Variants in CLSTN2 observed in about 807,000 individuals in gnomAD.
CLSTN2 encodes calsyntenin 2.
A neutral mutation model predicts 101.2 loss-of-function variants in CLSTN2; 48 were observed. That is an observed-to-expected ratio of 0.47 (90% CI 0.38 to 0.60). The LOEUF is 0.60. CLSTN2 is among the 20% of genes least tolerant of loss of function. The pLI is 0.00. For missense variants in CLSTN2, 1,160 were observed against 1,238.2 expected (o/e 0.94, Z 0.95); for synonymous variants, 481 against 463.6 (o/e 1.04, Z -0.48).
intron 2 of CLSTN2, among the ~76,000 whole-genome samples, chr3:140,221,983 A>T (rs4589893): frequency 0.54 from 81,968 of 151,968 alleles, 23,592 homozygotes; most frequent in East Asian, 0.93. Context: ...TCCCCAAAGA[A>T]AGGAAATCAG....
At chr3:140,150,428 G>A (rs1293513240) in intron 1 of CLSTN2, among the ~76,000 whole-genome samples, 1 of 152,182 alleles carries the variant, frequency 6.6e-6, no homozygotes, top group Non-Finnish European at 1.5e-5. Flanking sequence ...ACCCAGCAAT[G>A]TGCCACCCAG....
chr3:140,096,671 C>G (rs1436471507), intron 1 of CLSTN2, among the ~76,000 whole-genome samples: 2 of 152,202 alleles, frequency 1.3e-5, no homozygotes, highest in Non-Finnish European at 2.9e-5. Flanking sequence ...ATCAAAGCCT[C>G]TTTTGAAAAT....
At chr3:140,264,848 T>C (rs2086682368) in intron 2 of CLSTN2, among the ~76,000 whole-genome samples, 2 of 152,120 alleles carry the variant, frequency 1.3e-5, no homozygotes, top group Admixed American at 1.3e-4. Flanking sequence ...GGGGTAGATC[T>C]AAGAGTACAA....
chr3:140,135,117 C>CACACACAA (rs1488268767), intron 1 of CLSTN2, among the ~76,000 whole-genome samples: 1 of 58,108 alleles, frequency 1.7e-5, no homozygotes, highest in Non-Finnish European at 3.0e-5. Flanking sequence ...CACACACACA[C>CACACACAA]ATATATATAT....
chr3:140,146,919 G>GTA (rs1237491439), intron 1 of CLSTN2, among the ~76,000 whole-genome samples: 1 of 152,158 alleles, frequency 6.6e-6, no homozygotes, highest in Non-Finnish European at 1.5e-5. Context: ...CCCTTATTTA[G>GTA]TATCTATTCA....
At chr3:140,307,935 G>C (rs1034708727) in intron 2 of CLSTN2, among the ~76,000 whole-genome samples, 2 of 152,142 alleles carry the variant, frequency 1.3e-5, no homozygotes, top group Non-Finnish European at 2.9e-5. Flanking sequence ...TCAGAAATCT[G>C]TCAGAGTATC....
At chr3:140,055,654 G>A (rs1019348753) in intron 1 of CLSTN2, among the ~76,000 whole-genome samples, 5 of 152,184 alleles carry the variant, frequency 3.3e-5, no homozygotes, top group Admixed American at 2.6e-4. Context: ...CCGTGAAGTA[G>A]GTGCTCAGTA....
At chr3:140,279,937 C>T (rs925776757) in intron 2 of CLSTN2, among the ~76,000 whole-genome samples, 1 of 152,176 alleles carries the variant, frequency 6.6e-6, no homozygotes, top group African/African-American at 2.4e-5. Flanking sequence ...TAAGCCATCA[C>T]CTGGTGGCTA....
intron 2 of CLSTN2, among the ~76,000 whole-genome samples, chr3:140,362,281 C>A (rs6777920): frequency 6.6e-6 from 1 of 151,814 alleles, no homozygotes; most frequent in Non-Finnish European, 1.5e-5. Flanking sequence ...AATTTAGACC[C>A]TTACCTCACA....
chr3:140,024,477 TC>T (rs2007378841), intron 1 of CLSTN2, among the ~76,000 whole-genome samples: 1 of 152,166 alleles, frequency 6.6e-6, no homozygotes, highest in Non-Finnish European at 1.5e-5. Context: ...GGTTTTCTTT[TC>T]CCTGGAGAGA....
intron 9 of CLSTN2, among the ~76,000 whole-genome samples, chr3:140,545,735 G>A (rs75651892): frequency 0.011 from 1,682 of 152,270 alleles, 28 homozygotes; most frequent in African/African-American, 0.036. Context: ...ACAAGCACTT[G>A]GAACACTTGC....
chr3:140,274,826 C>A (rs1024608872), intron 2 of CLSTN2, among the ~76,000 whole-genome samples: 1 of 152,112 alleles, frequency 6.6e-6, no homozygotes, highest in Non-Finnish European at 1.5e-5. Flanking sequence ...AGAGAGCAAG[C>A]GGGTCAGAAT....
chr3:140,208,918 G>A (rs1016212132), intron 2 of CLSTN2, among the ~76,000 whole-genome samples: 6 of 152,030 alleles, frequency 3.9e-5, no homozygotes, highest in African/African-American at 1.2e-4. Flanking sequence ...TGTTATTCAT[G>A]CCTCCACCCC....
intron 2 of CLSTN2, among the ~76,000 whole-genome samples, chr3:140,355,744 T>C (rs985556918): frequency 1.3e-5 from 2 of 152,184 alleles, no homozygotes; most frequent in Non-Finnish European, 2.9e-5. Flanking sequence ...ATGCCATGGC[T>C]GTATCAGTGG....
intron 5 of CLSTN2, among the ~76,000 whole-genome samples, chr3:140,436,141 A>C (rs2108000880): frequency 6.6e-6 from 1 of 152,216 alleles, no homozygotes; most frequent in South Asian, 2.1e-4. Flanking sequence ...GTGTTGCTCA[A>C]GAAATCTTTG....
At chr3:140,100,689 G>A (rs1199052499) in intron 1 of CLSTN2, among the ~76,000 whole-genome samples, 1 of 152,260 alleles carries the variant, frequency 6.6e-6, no homozygotes, top group Non-Finnish European at 1.5e-5. Flanking sequence ...GCATAATCCT[G>A]TCTGTGGGTG....
intron 2 of CLSTN2, among the ~76,000 whole-genome samples, chr3:140,231,584 T>G (rs1212106135): frequency 6.6e-6 from 1 of 152,180 alleles, no homozygotes; most frequent in Non-Finnish European, 1.5e-5. Context: ...AGGCACTCGA[T>G]AGAGGCCTGT....
rs908350230 is a variant in CLSTN2 at position 140,577,285 on chromosome 3, T to G, written c.*11032T>G. The G allele has an allele frequency of 6.6e-6, 1 of 152,214 alleles. No individual in the cohort carries two copies. 9.4% of individuals were successfully genotyped at this position (152,214 alleles called of 1,614,324 possible). ...TAAATGCCTATTCAACACAGACAGA[T>G]TTTTATTTTCAGCTGTGGCTTGTAA... On this transcript the variant is annotated 3_prime_UTR_variant, in exon 17 of 17. Coordinates refer to ENST00000458420, the MANE Select transcript of CLSTN2 (RefSeq NM_022131.3).
intron 1 of CLSTN2, among the ~76,000 whole-genome samples, chr3:139,981,980 G>A (rs1935932461): frequency 6.6e-6 from 1 of 152,126 alleles, no homozygotes. Flanking sequence ...CTGGGTTGGA[G>A]AGTTGCCATG....
Sources: allele counts gnomAD v4.1 joint callset (sites outside exome capture counted in the v4.1 genomes callset), GRCh38; gene constraint gnomAD v4.1.1; transcripts MANE v1.5; gene names NCBI Gene and HGNC (gene_info 2026-07-23, HGNC 2026-07-21).